SLC35F1: variants seen among roughly 807,000 people sequenced by gnomAD.
SLC35F1 encodes the protein chromosome 6 open reading frame 169.
SLC35F1 carries 14 observed loss-of-function variants against 48.7 expected under a neutral mutation model. The ratio of observed to expected loss-of-function variants is 0.29; its 90% CI spans 0.19 to 0.45. The LOEUF is 0.45. Ranked by LOEUF, SLC35F1 falls within the 20% of genes least tolerant of loss-of-function variation. The pLI is 1.00. For missense variants in SLC35F1, 404 were observed against 500.0 expected (o/e 0.81, Z 1.83); for synonymous variants, 190 against 202.2 (o/e 0.94, Z 0.51).
intron 3 of SLC35F1, among the ~76,000 whole-genome samples, chr6:118,259,206 T>A (rs1032275916): frequency 1.3e-5 from 2 of 151,890 alleles, no homozygotes; most frequent in African/African-American, 4.8e-5. Context: ...ATGTTTGATA[T>A]AAATTGGCAA....
intron 1 of SLC35F1, among the ~76,000 whole-genome samples, chr6:118,093,243 C>T (rs773719635): frequency 5.1e-4 from 77 of 152,056 alleles, no homozygotes; most frequent in Middle Eastern, 3.4e-3. Context: ...ATGAACCCAG[C>T]AGGCGGTGCT....
chr6:118,205,208 C>T (rs1335473112), intron 2 of SLC35F1, among the ~76,000 whole-genome samples: 1 of 152,130 alleles, frequency 6.6e-6, no homozygotes, highest in Non-Finnish European at 1.5e-5. Flanking sequence ...AGAGTGTTAG[C>T]TTATGGGCAG....
chr6:117,957,492 A>C (rs1776441835), intron 1 of SLC35F1, among the ~76,000 whole-genome samples: 1 of 152,232 alleles, frequency 6.6e-6, no homozygotes, highest in Non-Finnish European at 1.5e-5. Flanking sequence ...TATCTGAAAA[A>C]CAGTTTTGTC....
chr6:118,102,280 A>G (rs1246058549), intron 1 of SLC35F1, among the ~76,000 whole-genome samples: 1 of 152,070 alleles, frequency 6.6e-6, no homozygotes, highest in Non-Finnish European at 1.5e-5. Context: ...ACCTCATGGG[A>G]TCAAGCAATC....
At chr6:117,946,037 C>T (rs1424846327) in intron 1 of SLC35F1, among the ~76,000 whole-genome samples, 2 of 152,146 alleles carry the variant, frequency 1.3e-5, no homozygotes, top group Non-Finnish European at 2.9e-5. Flanking sequence ...AACAGAAACT[C>T]TCTTTCTTTG....
chr6:118,061,479 A>C (rs1772535073), intron 1 of SLC35F1, among the ~76,000 whole-genome samples: 1 of 152,140 alleles, frequency 6.6e-6, no homozygotes, highest in African/African-American at 2.4e-5. Flanking sequence ...AAACACTATC[A>C]TTATAAAACT....
chr6:118,012,706 T>C (rs1340205521), intron 1 of SLC35F1, among the ~76,000 whole-genome samples: 1 of 152,234 alleles, frequency 6.6e-6, no homozygotes, highest in Non-Finnish European at 1.5e-5. Context: ...TGCCATTTTA[T>C]AGATGTCATA....
At chr6:118,137,770 C>T (rs1007661285) in intron 1 of SLC35F1, among the ~76,000 whole-genome samples, 1 of 152,172 alleles carries the variant, frequency 6.6e-6, no homozygotes, top group Non-Finnish European at 1.5e-5. Flanking sequence ...ACCTCCCCCT[C>T]CCCAAAGTGG....
intron 1 of SLC35F1, among the ~76,000 whole-genome samples, chr6:118,080,979 G>T (rs1343239564): frequency 1.3e-5 from 2 of 152,062 alleles, no homozygotes; most frequent in African/African-American, 2.4e-5. Context: ...TGTGTATATT[G>T]GTCCCTTTAC....
chr6:118,051,369 G>T lies in SLC35F1; in HGVS notation c.174-103076G>T, dbSNP rs116172582. 2.8e-3 allele frequency among the ~76,000 whole-genome samples: 419 copies of T among 152,222 alleles called. 2 individuals carry two copies. Among genetic ancestry groups the T allele is most frequent in the African/African-American group, 9.7e-3 (404 of 41,526 alleles). ...CAGCTCTCTTGACAGCTTTGCACTTGACTATTGCTCAGTACCTCACTGAAT... is the reference window on the plus strand; with the variant it reads ...CAGCTCTCTTGACAGCTTTGCACTTTACTATTGCTCAGTACCTCACTGAAT... On this transcript the variant is annotated intron_variant, in intron 1 of 7. Transcript: ENST00000360388.
intron 7 of SLC35F1, among the ~76,000 whole-genome samples, chr6:118,312,635 T>C (rs761219233): frequency 6.6e-6 from 1 of 152,164 alleles, no homozygotes; most frequent in Non-Finnish European, 1.5e-5. Flanking sequence ...AAAGCATCTT[T>C]AGTCTTAGCT....
intron 1 of SLC35F1, among the ~76,000 whole-genome samples, chr6:117,943,443 A>C (rs189369509): frequency 1.2e-4 from 19 of 152,334 alleles, no homozygotes; most frequent in Admixed American, 7.8e-4. Context: ...AATTGAAAAA[A>C]ACTAACAAAT....
intron 2 of SLC35F1, among the ~76,000 whole-genome samples, chr6:118,216,183 T>A (rs756608017): frequency 1.3e-4 from 20 of 151,360 alleles, no homozygotes; most frequent in Non-Finnish European, 2.7e-4. Context: ...GCTCAAGTGA[T>A]CCTACCAGCT....
intron 1 of SLC35F1, among the ~76,000 whole-genome samples, chr6:117,922,582 G>A (rs1010979519): frequency 6.6e-6 from 1 of 152,156 alleles, no homozygotes; most frequent in Non-Finnish European, 1.5e-5. Flanking sequence ...TAGTTAATCA[G>A]TTATTATTTT....
chr6:118,150,260 T>A (rs1409261091), intron 1 of SLC35F1, among the ~76,000 whole-genome samples: 1 of 152,182 alleles, frequency 6.6e-6, no homozygotes, highest in Non-Finnish European at 1.5e-5. Context: ...TTATTGTTGT[T>A]TTAGCTTAAT....
intron 2 of SLC35F1, among the ~76,000 whole-genome samples, chr6:118,160,793 C>T (rs867962256): frequency 4.3e-4 from 65 of 151,974 alleles, no homozygotes; most frequent in African/African-American, 1.5e-3. Flanking sequence ...GCCCTGTCTA[C>T]GCATACAGCT....
intron 1 of SLC35F1, among the ~76,000 whole-genome samples, chr6:117,975,976 A>G (rs1370246442): frequency 1.3e-5 from 2 of 152,248 alleles, no homozygotes; most frequent in Admixed American, 6.5e-5. Context: ...ACGCAGTGGC[A>G]GTAGTACAGA....
rs1308307037 is a variant in SLC35F1, at chr6:118,235,647, T to C, written c.477+11T>C. On this transcript the variant is annotated intron_variant, in intron 3 of 7. Coordinates refer to ENST00000360388, the MANE Select transcript of SLC35F1 (RefSeq NM_001029858.4). ...CTGACCAGTATCCAGGTACCCATGG[T>C]TCTTCTTCCCTTCTCAACTTCCTCT... The C allele has an allele frequency of 1.9e-6, 3 of 1,609,044 alleles. No homozygotes were observed. Among genetic ancestry groups the C allele is most frequent in the Middle Eastern group, 1.7e-4 (1 of 6,030 alleles).
rs1773372605 is a variant in SLC35F1, at chr6:118,109,688, A to C, written c.174-44757A>C. On this transcript the variant is annotated intron_variant, in intron 1 of 7. Coordinates refer to ENST00000360388, the MANE Select transcript of SLC35F1 (RefSeq NM_001029858.4). Reference sequence around the variant, plus strand: ...AGCAACAGAAAAGGAACCTGAAAAAAACATTAAGAGACTGGTAGATCCAGC... The same window carrying C: ...AGCAACAGAAAAGGAACCTGAAAAACACATTAAGAGACTGGTAGATCCAGC... Among the ~76,000 whole-genome samples the C allele has an allele frequency of 2.6e-5, 4 of 152,230 alleles. No individual in the cohort carries two copies. In the South Asian group the frequency reaches 6.2e-4, roughly 24 times the overall value.
Sources: gnomAD v4.1 joint callset for allele counts (sites outside exome capture counted in the v4.1 genomes callset) on GRCh38, gnomAD v4.1.1 for gene constraint, MANE v1.5 for transcripts, NCBI Gene and HGNC (gene_info 2026-07-23, HGNC 2026-07-21) for gene names.